Variants in MELK observed in about 807,000 individuals in gnomAD.
MELK encodes pEg3 kinase.
MELK carries 81 observed loss-of-function variants against 85.0 expected under a neutral mutation model. The ratio of observed to expected loss-of-function variants is 0.95; its 90% confidence interval spans 0.80 to 1.15. MELK has a LOEUF of 1.15. Ranked by LOEUF, MELK falls within the 50% of genes most tolerant of loss-of-function variation. MELK has a pLI of 0.00. For synonymous variants in MELK, 252 were observed against 265.0 expected (o/e 0.95, Z 0.48); for missense variants, 754 against 777.5 (o/e 0.97, Z 0.36).
chr9:36,590,586 A>T (rs1173905207), intron 4 of MELK, among the ~76,000 whole-genome samples: 1 of 152,172 alleles, frequency 6.6e-6, no homozygotes, highest in Non-Finnish European at 1.5e-5. Context: ...GTGACAGTTC[A>T]ACCCCCAGCA....
intron 14 of MELK, among the ~76,000 whole-genome samples, chr9:36,668,950 T>G (rs910320769): frequency 2.9e-4 from 44 of 152,134 alleles, no homozygotes; most frequent in Admixed American, 2.9e-3. Flanking sequence ...AATTGGGCCC[T>G]TGTATAAATA....
chr9:36,596,294 C>T (rs747092162), intron 5 of MELK, among the ~76,000 whole-genome samples: 6 of 151,852 alleles, frequency 4.0e-5, no homozygotes, highest in African/African-American at 1.5e-4. Context: ...ATAGAGTGAT[C>T]GCCCAGGCTG....
Position 36,615,071 on chromosome 9 carries a change from A to ACC in MELK, c.666+7407_666+7408dup, listed in dbSNP as rs1321109637. Among the ~76,000 whole-genome samples the ACC allele has an allele frequency of 2.2e-3, 134 of 60,452 alleles. 7 individuals are homozygous for ACC. Among genetic ancestry groups the ACC allele is most frequent in the African/African-American group, 0.013 (120 of 9,120 alleles). The allele number at this position is 60,452 out of a possible 152,430, so 39.7% of individuals were successfully genotyped here. The stretch of plus-strand genomic sequence containing the variant: ...GGCAGCTGGCCGGGCGGGGGGGCTG[A>ACC]CCCCCCCCCCACCTCCCTCCCGGAC... On this transcript the variant is annotated intron_variant, in intron 8 of 17. Coordinates refer to ENST00000298048, the MANE Select transcript of MELK (RefSeq NM_014791.4).
chr9:36,671,404 G>A (rs1175048501), intron 16 of MELK, among the ~76,000 whole-genome samples: 1 of 152,206 alleles, frequency 6.6e-6, no homozygotes, highest in African/African-American at 2.4e-5. Context: ...AACAGGTGGA[G>A]GGATTAGTCA....
chr9:36,652,706 G>T (rs1290661934), intron 12 of MELK, among the ~76,000 whole-genome samples: 2 of 141,566 alleles, frequency 1.4e-5, no homozygotes, highest in African/African-American at 2.6e-5. Context: ...CTCCAGCCTG[G>T]GCGACAGAGC....
intron 15 of MELK, among the ~76,000 whole-genome samples, 178 bp from the exon 16 acceptor site, chr9:36,670,820 C>T (rs1250165566): frequency 1.3e-5 from 2 of 150,024 alleles, no homozygotes; most frequent in Non-Finnish European, 1.5e-5. Flanking sequence ...AGAAGTGTGA[C>T]AGCTCCTGTC....
At chr9:36,641,770 G>A (rs927706566) in intron 10 of MELK, among the ~76,000 whole-genome samples, 1 of 151,922 alleles carries the variant, frequency 6.6e-6, no homozygotes, top group Non-Finnish European at 1.5e-5. Flanking sequence ...ACCACGCCTG[G>A]CTAATTTTGT....
chr9:36,612,684 G>A (rs776196797), intron 8 of MELK, among the ~76,000 whole-genome samples: 3 of 152,246 alleles, frequency 2.0e-5, no homozygotes, highest in Non-Finnish European at 4.4e-5. Context: ...AGATTTGCCA[G>A]TATTTTGTCC....
chr9:36,653,564 T>A (rs1276323190), intron 12 of MELK, among the ~76,000 whole-genome samples: 1 of 152,242 alleles, frequency 6.6e-6, no homozygotes, highest in Non-Finnish European at 1.5e-5. Flanking sequence ...GGCTTAAAAT[T>A]CAGCTATCCA....
At chr9:36,656,825 C>G (rs1051104509) in intron 12 of MELK, among the ~76,000 whole-genome samples, 4 of 152,152 alleles carry the variant, frequency 2.6e-5, no homozygotes, top group Non-Finnish European at 5.9e-5. Flanking sequence ...ACCGTGTTGC[C>G]CAGACTGGCT....
chr9:36,575,775 C>T (rs954704640), intron 1 of MELK, among the ~76,000 whole-genome samples: 1 of 152,168 alleles, frequency 6.6e-6, no homozygotes, highest in East Asian at 1.9e-4. Flanking sequence ...GAAGTGAATT[C>T]CAGCATCTTA....
At chr9:36,594,889 C>G in intron 5 of MELK, 118 bp downstream of exon 5, 2 of 1,158,140 alleles carry the variant, frequency 1.7e-6, no homozygotes, top group Non-Finnish European at 2.3e-6. Context: ...TGTTGTTGCT[C>G]CAGTCATACC....
intron 12 of MELK, among the ~76,000 whole-genome samples, chr9:36,653,139 TA>T (rs1297434428): frequency 6.6e-6 from 1 of 152,196 alleles, no homozygotes; most frequent in Non-Finnish European, 1.5e-5. Flanking sequence ...TCATGGACTT[TA>T]AAAAATTTTT....
chr9:36,574,971 C>T (rs1821495368), intron 1 of MELK, among the ~76,000 whole-genome samples: 2 of 151,264 alleles, frequency 1.3e-5, no homozygotes. Flanking sequence ...CCCATCTTTA[C>T]TAAAAATACA....
chr9:36,664,119 ATTGCAC>A (rs1832113027), intron 13 of MELK, among the ~76,000 whole-genome samples: 1 of 152,052 alleles, frequency 6.6e-6, no homozygotes. Flanking sequence ...TGACATGTGC[ATTGCAC>A]TTTTCATTTT....
rs771641305 is a variant in MELK at position 36,674,815 on chromosome 9, CT to C, written c.1675-17del. 1 of 1,473,492 alleles carries C rather than the reference CT, an allele frequency of 6.8e-7. No individual in the cohort carries two copies. Among genetic ancestry groups the C allele is most frequent in the Non-Finnish European group, 9.4e-7 (1 of 1,059,936 alleles). 91.3% of individuals were successfully genotyped at this position (1,473,492 alleles called of 1,614,324 possible). A position where few individuals can be genotyped will look rare whatever the true frequency, so the allele number is the denominator to read the frequency against. On this transcript the variant is annotated intron_variant, in intron 16 of 17. Coordinates refer to ENST00000298048, the MANE Select transcript of MELK (RefSeq NM_014791.4). ...TGATGTAAAAATTTACTTCTCATCT[CT>C]TCTTTTTCTTTTCTTAGCTTCACTA...
At chr9:36,651,472 A>C (rs150557819) in intron 11 of MELK, among the ~76,000 whole-genome samples, 92 of 152,310 alleles carry the variant, frequency 6.0e-4, no homozygotes, top group Middle Eastern at 6.8e-3. Context: ...AAGCTGAAAA[A>C]AATTTTAAGC....
rs150974354 is a variant in MELK, at chr9:36,669,322, G to A, written c.1421G>A (p.Cys474Tyr). Residue 474 changes from cysteine to tyrosine, a missense_variant, in exon 15 of 18, where the codon TGC becomes TAC. Transcript: ENST00000298048. Reference protein sequence around the residue: ...YTTPSKARNQCLKETPIKIPV... With the variant: ...YTTPSKARNQYLKETPIKIPV... Reference sequence around the variant, plus strand: ...CTGTTTCTAATAGCTAGAAACCAGTGCCTGAAAGAAACTCCAATTAAAATA... The same window carrying A: ...CTGTTTCTAATAGCTAGAAACCAGTACCTGAAAGAAACTCCAATTAAAATA... 6 of 1,608,136 alleles carry A rather than the reference G, an allele frequency of 3.7e-6. No individual in the cohort carries two copies. Among genetic ancestry groups the A allele is most frequent in the Non-Finnish European group, 5.1e-6 (6 of 1,177,112 alleles).
chr9:36,649,756 G>T (rs191632879), intron 11 of MELK, among the ~76,000 whole-genome samples: 62 of 151,976 alleles, frequency 4.1e-4, no homozygotes, highest in African/African-American at 1.4e-3. Flanking sequence ...GCGATAGAGC[G>T]AGACTCTATC....
Sources: allele counts gnomAD v4.1 joint callset (sites outside exome capture counted in the v4.1 genomes callset), GRCh38; gene constraint gnomAD v4.1.1; transcripts MANE v1.5; gene names NCBI Gene and HGNC (gene_info 2026-07-23, HGNC 2026-07-21).